Variants in BCAS3 observed in about 807,000 individuals in gnomAD.
BCAS3 encodes the protein BCAS4/BCAS3 fusion.
A neutral mutation model predicts 116.1 loss-of-function variants in BCAS3; 53 were observed. The ratio of observed to expected loss-of-function variants is 0.46; its 90% CI spans 0.37 to 0.57. BCAS3 has a LOEUF of 0.57. Among genes scored for constraint, BCAS3 ranks in the 20% least tolerant of loss-of-function variants. The pLI, the probability that BCAS3 is intolerant of heterozygous loss-of-function variation, is 0.00. For synonymous variants in BCAS3, 391 were observed against 408.2 expected, an observed-to-expected ratio of 0.96 and a Z score of 0.51; for missense variants, 917 against 1,165.4, an observed-to-expected ratio of 0.79 and a Z score of 3.10.
intron 23 of BCAS3, chr17:61,384,483 G>A (rs1372389735): frequency 6.6e-6 from 1 of 152,298 alleles, no homozygotes; most frequent in Non-Finnish European, 1.5e-5. Context: ...GAGAAGTGAA[G>A]TGACTTGCCC....
intron 10 of BCAS3, chr17:60,891,847 A>C (rs2057175175): frequency 4.7e-6 from 2 of 423,530 alleles, no homozygotes; most frequent in South Asian, 3.4e-5. Context: ...TTCCATTTTC[A>C]TCATCATGTG....
chr17:61,010,450 AC>A (rs1359780322), intron 15 of BCAS3, among the ~76,000 whole-genome samples: 3 of 151,984 alleles, frequency 2.0e-5, no homozygotes, highest in African/African-American at 7.2e-5. Flanking sequence ...CCAAAAGGTA[AC>A]AGGAAAAAAA....
At position 61,023,873 on chromosome 17, in the gene BCAS3, G is replaced by C. The variant is rs2066042036; in HGVS notation, c.1637+7972G>C. Among the ~76,000 whole-genome samples the C allele has an allele frequency of 6.6e-6, 1 of 152,080 alleles. No homozygotes were observed. The highest frequency in any genetic ancestry group is 2.4e-5 in the African/African-American group (1 of 41,400). ...AAAAAGGATATAATTATGACAAATT[G>C]AGTAGGTTTTATATGGCATATTTGT... On this transcript the variant is annotated intron_variant, in intron 16 of 23. Coordinates refer to ENST00000407086, the MANE Select transcript of BCAS3 (RefSeq NM_017679.5). This position sits in a 1 kb window ranked among gnomAD's most constrained non-coding sequence, Gnocchi z 4.8.
intron 4 of BCAS3, among the ~76,000 whole-genome samples, chr17:60,694,700 T>C (rs1051758598): frequency 3.3e-5 from 5 of 151,710 alleles, no homozygotes; most frequent in Non-Finnish European, 7.4e-5. Flanking sequence ...CCCAGGCTGA[T>C]CTTAAACTCA....
At chr17:60,755,713 T>G (rs1386441891) in intron 6 of BCAS3, among the ~76,000 whole-genome samples, 7 of 152,242 alleles carry the variant, frequency 4.6e-5, no homozygotes, top group Non-Finnish European at 8.8e-5. Context: ...TTTCAATAGC[T>G]GCATAAATTT....
chr17:60,789,898 T>C (rs2046609192), intron 6 of BCAS3, among the ~76,000 whole-genome samples: 2 of 152,216 alleles, frequency 1.3e-5, no homozygotes, highest in African/African-American at 4.8e-5. Context: ...AATAAAATTA[T>C]TTAAATGAAA....
In BCAS3 at chr17:61,380,473, C is replaced by T. The variant is rs765091497; in HGVS notation, c.2594-11504C>T. On this transcript the variant is annotated intron_variant, in intron 23 of 23. Coordinates refer to ENST00000407086, the MANE Select transcript of BCAS3 (RefSeq NM_017679.5). The surrounding 1 kb of genome is among the most constrained non-coding windows in gnomAD (Gnocchi z 4.2). ...CTCTCTTAAAGGTCCAGTTTGTGAT[C>T]CGCTTTAAAGGAATATTTTATTTTC... 1 of 1,578,682 alleles carries T rather than the reference C, an allele frequency of 6.3e-7. No individual in the cohort carries two copies. The highest frequency in any genetic ancestry group is 1.1e-5 in the South Asian group (1 of 89,952).
In BCAS3 at chr17:60,795,493, C is replaced by G. The variant is rs1301867736; in HGVS notation, c.404-12511C>G. 1.1e-4 allele frequency among the ~76,000 whole-genome samples: 17 copies of G among 152,076 alleles called. 1 individual carries two copies. Among genetic ancestry groups the G allele is most frequent in the Admixed American group, 1.1e-3 (17 of 15,264 alleles). On this transcript the variant is annotated intron_variant, in intron 6 of 23. Transcript: ENST00000407086. Reference sequence around the variant, plus strand: ...TGAAAGTGGGCATCCTTATCTTGTTCCAGTTCTCAGAGGGAATGCTTTCAA... The same window carrying G: ...TGAAAGTGGGCATCCTTATCTTGTTGCAGTTCTCAGAGGGAATGCTTTCAA...
At position 61,095,494 on chromosome 17, in the gene BCAS3, A is replaced by G. The variant is rs1601191558; in HGVS notation, c.2425+10930A>G. 1.3e-5 allele frequency among the ~76,000 whole-genome samples: 2 copies of G among 150,556 alleles called. No individual in the cohort carries two copies. The highest frequency in any genetic ancestry group is 3.0e-5 in the Non-Finnish European group (2 of 67,488). ...GTCGTTTGTTTGTTTTTTTGAGACA[A>G]CCTCACTTTGTCATCCAGGTTGGAG... On this transcript the variant is annotated intron_variant, in intron 22 of 23. Coordinates refer to ENST00000407086, the MANE Select transcript of BCAS3 (RefSeq NM_017679.5). This position sits in a 1 kb window ranked among gnomAD's most constrained non-coding sequence, Gnocchi z 4.7.
chr17:61,097,771 G>A lies in BCAS3; in HGVS notation c.2425+13207G>A, dbSNP rs1405737332. ...AAGGTCCATTTTAGCAATAGTCAAA[G>A]AACAGGACTTAGGACACCTAGCTCC... is the stretch of plus-strand genomic sequence containing the variant. On this transcript the variant is annotated intron_variant, in intron 22 of 23. Transcript: ENST00000407086. The surrounding 1 kb of genome is among the most constrained non-coding windows in gnomAD (Gnocchi z 4.0). Among the ~76,000 whole-genome samples, 1 of 152,184 alleles carries A rather than the reference G, an allele frequency of 6.6e-6. No homozygotes were observed. The highest frequency in any genetic ancestry group is 1.5e-5 in the Non-Finnish European group (1 of 68,032).
chr17:60,892,294 A>G (rs1599484783), intron 10 of BCAS3, among the ~76,000 whole-genome samples: 1 of 148,188 alleles, frequency 6.7e-6, no homozygotes, highest in South Asian at 2.1e-4. Context: ...TCCTGTCAAC[A>G]TCTGTTGTTT....
intron 22 of BCAS3, among the ~76,000 whole-genome samples, chr17:61,094,936 C>G (rs1247936319): frequency 6.6e-6 from 1 of 152,188 alleles, no homozygotes; most frequent in African/African-American, 2.4e-5. Flanking sequence ...TTTGGAACAT[C>G]TGCAACATTT....
intron 7 of BCAS3, among the ~76,000 whole-genome samples, chr17:60,834,837 G>A (rs960891179): frequency 2.0e-5 from 3 of 151,796 alleles, no homozygotes; most frequent in Admixed American, 6.6e-5. Context: ...ATAAATCCCG[G>A]CAACATCTTG....
rs192235220 is a variant in BCAS3, at chr17:61,368,842, G to T, written c.2593+348G>T. 3.9e-5 allele frequency among the ~76,000 whole-genome samples: 6 copies of T among 152,308 alleles called. No individual in the cohort carries two copies. On this transcript the variant is annotated intron_variant, in intron 23 of 23. Coordinates refer to ENST00000407086, the MANE Select transcript of BCAS3 (RefSeq NM_017679.5). This position sits in a 1 kb window ranked among gnomAD's most constrained non-coding sequence, Gnocchi z 6.0. ...CCTCAGGTTGTACCTCTTCAGACAC[G>T]CTGGAGACTTAGAGATTGGCAAGTC...
At position 61,282,566 on chromosome 17, in the gene BCAS3, A is replaced by G. The variant is rs1463438017; in HGVS notation, c.2426-85761A>G. Among the ~76,000 whole-genome samples the G allele has an allele frequency of 3.3e-5, 5 of 152,242 alleles. No individual in the cohort carries two copies. The highest frequency in any genetic ancestry group is 7.3e-5 in the Non-Finnish European group (5 of 68,042). Reference sequence around the variant, plus strand: ...TTAGACAGATGTGACTTCCTGTGTCAGCGAGGGAGGCTCCAAGGACAAGTT... The same window carrying G: ...TTAGACAGATGTGACTTCCTGTGTCGGCGAGGGAGGCTCCAAGGACAAGTT... On this transcript the variant is annotated intron_variant, in intron 22 of 23. Transcript: ENST00000407086. This position sits in a 1 kb window ranked among gnomAD's most constrained non-coding sequence, Gnocchi z 5.9.
chr17:60,757,556 T>C (rs972299545), intron 6 of BCAS3, among the ~76,000 whole-genome samples: 1 of 151,908 alleles, frequency 6.6e-6, no homozygotes, highest in Non-Finnish European at 1.5e-5. Flanking sequence ...TATTGGCCAT[T>C]AATATGTCTT....
Position 61,352,825 on chromosome 17 carries a change from G to C in BCAS3, c.2426-15502G>C, listed in dbSNP as rs2057924497. Among the ~76,000 whole-genome samples the C allele has an allele frequency of 6.6e-6, 1 of 152,186 alleles. No homozygotes were observed. The highest frequency in any genetic ancestry group is 1.5e-5 in the Non-Finnish European group (1 of 68,032). On this transcript the variant is annotated intron_variant, in intron 22 of 23. Coordinates refer to ENST00000407086, the MANE Select transcript of BCAS3 (RefSeq NM_017679.5). This position sits in a 1 kb window ranked among gnomAD's most constrained non-coding sequence, Gnocchi z 4.7. ...GCAGAGATGGACCCAAGTCTTGCTT[G>C]CCCTCTGCAGCTGTGCAGAGAAGGC...
intron 4 of BCAS3, among the ~76,000 whole-genome samples, chr17:60,693,195 T>C (rs1386481193): frequency 2.0e-5 from 3 of 151,898 alleles, no homozygotes; most frequent in African/African-American, 7.3e-5. Context: ...CTTGTTTCTC[T>C]CAAGACACTA....
intron 6 of BCAS3, among the ~76,000 whole-genome samples, chr17:60,772,959 A>G (rs1379003156): frequency 6.6e-6 from 1 of 152,226 alleles, no homozygotes; most frequent in African/African-American, 2.4e-5. Context: ...TGAGTCTTCA[A>G]CTTATTTGGG....
Sources: gnomAD v4.1 joint callset for allele counts (sites outside exome capture counted in the v4.1 genomes callset) on GRCh38, gnomAD v4.1.1 for gene constraint, Gnocchi (gnomAD v3.1) non-coding constraint, MANE v1.5 for transcripts, NCBI Gene and HGNC (gene_info 2026-07-23, HGNC 2026-07-21) for gene names.